CAMK1D: variants seen among roughly 807,000 people sequenced by gnomAD.
CAMK1D encodes the protein calcium/calmodulin dependent protein kinase ID.
In CAMK1D, 9 loss-of-function variants were observed where a neutral mutation model predicts 47.7. The ratio of observed to expected loss-of-function variants is 0.19; its 90% CI spans 0.11 to 0.33. CAMK1D has a LOEUF of 0.33. Among genes scored for constraint, CAMK1D ranks in the 10% least tolerant of loss-of-function variants. The probability of loss-of-function intolerance (pLI) is 1.00; values close to 1 mark genes in which losing one functional copy is unlikely to be tolerated. For synonymous variants in CAMK1D, 184 were observed against 184.9 expected, an observed-to-expected ratio of 0.99 and a Z score of 0.04; for missense variants, 291 against 488.7, an observed-to-expected ratio of 0.60 and a Z score of 3.81.
At chr10:12,623,130 TCCC>T (rs1839058819) in intron 2 of CAMK1D, among the ~76,000 whole-genome samples, 1 of 53,338 alleles carries the variant, frequency 1.9e-5, no homozygotes, top group African/African-American at 5.9e-5. Flanking sequence ...CTTTCCTTCC[TCCC>T]TCCCTTCCTC....
intron 1 of CAMK1D, among the ~76,000 whole-genome samples, chr10:12,494,686 T>A (rs1231431287): frequency 2.0e-5 from 3 of 152,186 alleles, no homozygotes; most frequent in East Asian, 3.9e-4. Flanking sequence ...TGCCTTAGCC[T>A]CCTGAGTAGC....
rs1341925785 is a variant in CAMK1D at position 12,824,015 on chromosome 10, A to G, written c.834-450A>G. 2.6e-5 allele frequency among the ~76,000 whole-genome samples: 4 copies of G among 151,814 alleles called. No homozygotes were observed. The East Asian group carries it at 7.8e-4, about 30-fold the overall frequency. On this transcript the variant is annotated intron_variant, in intron 8 of 10. Transcript: ENST00000619168. ...GAGGAAGCTGGGAAGCAAGGCCGGG[A>G]AGGGGTCTGGTGCTGAGACCAGTTG...
intron 3 of CAMK1D, among the ~76,000 whole-genome samples, chr10:12,734,409 C>G (rs1369769305): frequency 7.6e-5 from 1 of 13,120 alleles, no homozygotes; most frequent in Non-Finnish European, 2.3e-4. Context: ...TATATATACA[C>G]ACACACACAC....
chr10:12,358,014 T>A (rs1837565372), intron 1 of CAMK1D, among the ~76,000 whole-genome samples: 1 of 152,220 alleles, frequency 6.6e-6, no homozygotes, highest in Admixed American at 6.5e-5. Flanking sequence ...TTCAGCTATC[T>A]GTTCTCTGTG....
At chr10:12,514,733 AATG>A (rs1476087410) in intron 1 of CAMK1D, among the ~76,000 whole-genome samples, 1 of 152,258 alleles carries the variant, frequency 6.6e-6, no homozygotes, top group Non-Finnish European at 1.5e-5. Context: ...TGAAAGAAGA[AATG>A]ATATTATTCG....
intron 4 of CAMK1D, among the ~76,000 whole-genome samples, chr10:12,762,979 A>G (rs972010108): frequency 1.3e-5 from 2 of 152,216 alleles, no homozygotes; most frequent in African/African-American, 4.8e-5. Flanking sequence ...TATTAGAAAA[A>G]TAATTTCTAA....
chr10:12,355,199 C>A (rs1837472655), intron 1 of CAMK1D, among the ~76,000 whole-genome samples: 1 of 152,084 alleles, frequency 6.6e-6, no homozygotes, highest in Non-Finnish European at 1.5e-5. Context: ...AGGACCAGCA[C>A]CCTGATCTCA....
intron 1 of CAMK1D, among the ~76,000 whole-genome samples, chr10:12,365,209 G>A (rs543721209): frequency 6.6e-6 from 1 of 152,174 alleles, no homozygotes; most frequent in East Asian, 1.9e-4. Flanking sequence ...ACCCACCTTA[G>A]CCTCCCAAAG....
intron 2 of CAMK1D, among the ~76,000 whole-genome samples, chr10:12,620,289 C>G (rs181339261): frequency 1.7e-4 from 25 of 150,870 alleles, no homozygotes; most frequent in Admixed American, 1.5e-3. Flanking sequence ...GGGATAAATG[C>G]CAGGAGTTCA....
chr10:12,785,904 C>G (rs3781068), intron 5 of CAMK1D, among the ~76,000 whole-genome samples: 67,770 of 152,044 alleles, frequency 0.45, 15,554 homozygotes, highest in South Asian at 0.53. Flanking sequence ...GCAGCTGACT[C>G]CCGATCACAG....
chr10:12,514,234 C>T (rs1157594613), intron 1 of CAMK1D, among the ~76,000 whole-genome samples: 3 of 152,288 alleles, frequency 2.0e-5, no homozygotes, highest in South Asian at 2.1e-4. Flanking sequence ...TGATGGAACA[C>T]GTTATAGATT....
intron 2 of CAMK1D, among the ~76,000 whole-genome samples, chr10:12,605,952 G>A (rs1706812812): frequency 6.6e-6 from 1 of 152,216 alleles, no homozygotes; most frequent in African/African-American, 2.4e-5. Flanking sequence ...TGGGGTGGAG[G>A]GGGCTGGGAG....
chr10:12,540,752 G>A (rs1213436943), intron 1 of CAMK1D, among the ~76,000 whole-genome samples: 1 of 152,188 alleles, frequency 6.6e-6, no homozygotes, highest in Non-Finnish European at 1.5e-5. Flanking sequence ...GCTTATCATT[G>A]TGGAATTCAC....
At chr10:12,393,306 C>G (rs991488982) in intron 1 of CAMK1D, among the ~76,000 whole-genome samples, 2 of 152,132 alleles carry the variant, frequency 1.3e-5, no homozygotes, top group East Asian at 3.9e-4. Flanking sequence ...GCTGAGATTA[C>G]AGGCGTGAGA....
chr10:12,684,308 C>T (rs1010767745), intron 3 of CAMK1D, among the ~76,000 whole-genome samples: 2 of 151,992 alleles, frequency 1.3e-5, no homozygotes, highest in African/African-American at 4.8e-5. Context: ...TATCCAACGG[C>T]GTCTCTGTAG....
At chr10:12,784,527 G>C (rs569155905) in intron 5 of CAMK1D, among the ~76,000 whole-genome samples, 13 of 152,114 alleles carry the variant, frequency 8.5e-5, no homozygotes, top group Non-Finnish European at 1.9e-4. Flanking sequence ...AGAGCAACAT[G>C]AGTGACAAGC....
chr10:12,762,198 G>A (rs1836543174), intron 4 of CAMK1D, among the ~76,000 whole-genome samples: 1 of 152,164 alleles, frequency 6.6e-6, no homozygotes, highest in African/African-American at 2.4e-5. Flanking sequence ...TACAGGTCCA[G>A]CCCCCAGAGC....
intron 3 of CAMK1D, among the ~76,000 whole-genome samples, chr10:12,697,552 TC>T (rs1833346253): frequency 6.6e-6 from 1 of 152,160 alleles, no homozygotes; most frequent in Admixed American, 6.5e-5. Context: ...GTGCCCACCG[TC>T]ATGCCTGGCT....
intron 1 of CAMK1D, among the ~76,000 whole-genome samples, chr10:12,507,884 T>A (rs1834924995): frequency 6.6e-6 from 1 of 152,172 alleles, no homozygotes; most frequent in Admixed American, 6.5e-5. Context: ...AGGTTTGTAT[T>A]CTAGAATTCA....
Sources: gnomAD v4.1 joint callset for allele counts (sites outside exome capture counted in the v4.1 genomes callset) on GRCh38, gnomAD v4.1.1 for gene constraint, MANE v1.5 for transcripts, NCBI Gene and HGNC (gene_info 2026-07-23, HGNC 2026-07-21) for gene names.